The following MAGI1 variants were observed in gnomAD, a reference collection of about 807,000 sequenced individuals.
MAGI1 encodes the protein membrane associated guanylate kinase, WW and PDZ domain containing 1.
In MAGI1, 58 loss-of-function variants were observed where a neutral mutation model predicts 139.9. That is an observed-to-expected ratio of 0.41 (90% CI 0.34 to 0.52). The LOEUF is 0.52. Ranked by LOEUF, MAGI1 falls within the 20% of genes least tolerant of loss-of-function variation. The pLI is 0.12. For synonymous variants in MAGI1, 812 were observed against 737.9 expected, an observed-to-expected ratio of 1.10 and a Z score of -1.63; for missense variants, 1,874 against 1,901.6, an observed-to-expected ratio of 0.99 and a Z score of 0.27.
intron 3 of MAGI1, among the ~76,000 whole-genome samples, chr3:65,484,100 T>C (rs1951465896): frequency 6.6e-6 from 1 of 152,216 alleles, no homozygotes; most frequent in Non-Finnish European, 1.5e-5. Context: ...CTATATGGCA[T>C]ACATCAGTTT....
At chr3:65,943,817 C>T (rs181802314) in intron 1 of MAGI1, among the ~76,000 whole-genome samples, 1 of 152,288 alleles carries the variant, frequency 6.6e-6, no homozygotes, top group Non-Finnish European at 1.5e-5. Context: ...TAAAGAGTTT[C>T]ATGTTCAAGA....
intron 9 of MAGI1, among the ~76,000 whole-genome samples, 199 bp downstream of exon 9, chr3:65,439,678 CTT>C (rs753863818): frequency 6.6e-6 from 1 of 152,136 alleles, no homozygotes; most frequent in Non-Finnish European, 1.5e-5. Context: ...ATTTGAGTGA[CTT>C]TGAATTAGGA....
At chr3:65,838,942 TG>T (rs1336246252) in intron 1 of MAGI1, among the ~76,000 whole-genome samples, 1 of 152,262 alleles carries the variant, frequency 6.6e-6, no homozygotes, top group Non-Finnish European at 1.5e-5. Flanking sequence ...TAACACATCA[TG>T]GTCTTAATTT....
chr3:65,751,449 C>T (rs2036146504), intron 1 of MAGI1, among the ~76,000 whole-genome samples: 1 of 152,208 alleles, frequency 6.6e-6, no homozygotes, highest in South Asian at 2.1e-4. Context: ...TTCAATCTAA[C>T]ATTATGATGT....
At chr3:65,906,799 T>C (rs148244043) in intron 1 of MAGI1, among the ~76,000 whole-genome samples, 5 of 151,668 alleles carry the variant, frequency 3.3e-5, no homozygotes, top group African/African-American at 1.2e-4. Context: ...GGTAAGAGAA[T>C]TGCTTGAACC....
chr3:65,396,362 G>A (rs939316063), intron 13 of MAGI1, among the ~76,000 whole-genome samples: 1 of 152,156 alleles, frequency 6.6e-6, no homozygotes, highest in Non-Finnish European at 1.5e-5. Flanking sequence ...TTGGCCACAT[G>A]TTGGCCATGA....
At chr3:65,557,368 G>C (rs1182611429) in intron 2 of MAGI1, among the ~76,000 whole-genome samples, 1 of 152,198 alleles carries the variant, frequency 6.6e-6, no homozygotes, top group Admixed American at 6.5e-5. Context: ...AGCCATGTAA[G>C]TGATAATCAA....
chr3:65,761,440 A>G (rs775805365), intron 1 of MAGI1, among the ~76,000 whole-genome samples: 1 of 152,202 alleles, frequency 6.6e-6, no homozygotes, highest in Non-Finnish European at 1.5e-5. Context: ...CTTGTCAAGT[A>G]AGGACTCTTC....
intron 1 of MAGI1, among the ~76,000 whole-genome samples, chr3:65,638,176 G>A (rs1021265653): frequency 6.6e-6 from 1 of 151,934 alleles, no homozygotes; most frequent in Non-Finnish European, 1.5e-5. Flanking sequence ...AGAAAAATGG[G>A]GATAAGAATA....
intron 12 of MAGI1, among the ~76,000 whole-genome samples, chr3:65,424,029 A>G (rs960021926): frequency 1.6e-4 from 25 of 152,338 alleles, no homozygotes; most frequent in Admixed American, 1.2e-3. Flanking sequence ...CCAACCCATC[A>G]TCACATTGCA....
At chr3:65,363,185 G>A (rs1941063510) in intron 21 of MAGI1, among the ~76,000 whole-genome samples, 1 of 152,134 alleles carries the variant, frequency 6.6e-6, no homozygotes, top group African/African-American at 2.4e-5. Context: ...ATAGAAATGG[G>A]CTCTGAAAAA....
At chr3:65,508,463 T>C (rs993367556) in intron 2 of MAGI1, among the ~76,000 whole-genome samples, 2 of 152,118 alleles carry the variant, frequency 1.3e-5, no homozygotes, top group African/African-American at 4.8e-5. Flanking sequence ...ATAAGTTACT[T>C]TGAATTATTA....
intron 2 of MAGI1, among the ~76,000 whole-genome samples, chr3:65,590,471 G>A (rs920085548): frequency 6.6e-6 from 1 of 152,166 alleles, no homozygotes; most frequent in Non-Finnish European, 1.5e-5. Flanking sequence ...AACTATCTTG[G>A]TTGTGCCAAC....
chr3:65,680,679 C>G (rs561583250), intron 1 of MAGI1, among the ~76,000 whole-genome samples: 81 of 152,270 alleles, frequency 5.3e-4, no homozygotes, highest in Non-Finnish European at 9.3e-4. Context: ...CCTCAGACTT[C>G]CAAAGTGCTA....
chr3:65,839,116 C>T (rs537294789), intron 1 of MAGI1, among the ~76,000 whole-genome samples: 1 of 152,290 alleles, frequency 6.6e-6, no homozygotes, highest in African/African-American at 2.4e-5. Flanking sequence ...TCATGCACTG[C>T]ATAACATTTC....
At chr3:65,961,362 T>C (rs1343324498) in intron 1 of MAGI1, among the ~76,000 whole-genome samples, 1 of 152,204 alleles carries the variant, frequency 6.6e-6, no homozygotes, top group Non-Finnish European at 1.5e-5. Context: ...CCTCCCTTCC[T>C]GGGTGGTAAC....
chr3:65,432,796 C>T (rs1431952856), intron 10 of MAGI1, among the ~76,000 whole-genome samples: 1 of 152,124 alleles, frequency 6.6e-6, no homozygotes, highest in Non-Finnish European at 1.5e-5. Context: ...CTGGCCTACA[C>T]TCTTGTAGCA....
At chr3:65,881,077 G>C (rs75612365) in intron 1 of MAGI1, among the ~76,000 whole-genome samples, 3,774 of 151,984 alleles carry the variant, frequency 0.025, 132 homozygotes, top group East Asian at 0.075. Context: ...GTAGATACAG[G>C]GTTTCTCCAT....
chr3:65,827,872 T>A (rs893108664), intron 1 of MAGI1, among the ~76,000 whole-genome samples: 1 of 152,184 alleles, frequency 6.6e-6, no homozygotes, highest in Admixed American at 6.6e-5. Context: ...TCTAATTGCC[T>A]GCAGCAAAAA....
Sources: allele counts gnomAD v4.1 joint callset (sites outside exome capture counted in the v4.1 genomes callset), GRCh38; gene constraint gnomAD v4.1.1; transcripts MANE v1.5; gene names NCBI Gene and HGNC (gene_info 2026-07-23, HGNC 2026-07-21).